NAPB: variants seen among roughly 807,000 people sequenced by gnomAD.
The protein encoded by NAPB is beta-soluble NSF attachment protein.
In NAPB, 26 loss-of-function variants were observed where a neutral mutation model predicts 44.7. The ratio of observed to expected loss-of-function variants is 0.58; its 90% CI spans 0.43 to 0.81. The LOEUF (loss-of-function observed/expected upper bound fraction) is 0.81, where lower values mean the gene tolerates loss of function less well. Ranked by LOEUF, NAPB falls within the 30% of genes least tolerant of loss-of-function variation. The pLI is 0.00. For synonymous variants in NAPB, 120 were observed against 116.8 expected (o/e 1.03, Z -0.18); for missense variants, 315 against 356.4 (o/e 0.88, Z 0.94).
At chr20:23,395,090 C>G in intron 4 of NAPB, 49 bp downstream of exon 4, 1 of 1,612,880 alleles carries the variant, frequency 6.2e-7, no homozygotes, top group Non-Finnish European at 8.5e-7. Flanking sequence ...GAACTCTAAG[C>G]CATCTCAAGA....
At position 23,405,671 on chromosome 20, in the gene NAPB, C is replaced by G. The variant is rs563863950; in HGVS notation, c.99-2599G>C. On this transcript the variant is annotated intron_variant, in intron 1 of 10. Transcript: ENST00000377026. ...CCTGGGAGGCGGAGGATGCACTGAGCCGAGATAGTGTCACTGCACTTCAGC... is the reference window on the plus strand; with the variant it reads ...CCTGGGAGGCGGAGGATGCACTGAGGCGAGATAGTGTCACTGCACTTCAGC... 7.2e-5 allele frequency among the ~76,000 whole-genome samples: 11 copies of G among 152,240 alleles called. No homozygotes were observed. In the East Asian group the frequency reaches 1.7e-3, roughly 24 times the overall value.
At chr20:23,393,740 G>A (rs1338766394) in intron 5 of NAPB, among the ~76,000 whole-genome samples, 1 of 152,088 alleles carries the variant, frequency 6.6e-6, no homozygotes, top group Non-Finnish European at 1.5e-5. Context: ...TCTTCCTGGG[G>A]GGCTAAATTA....
intron 10 of NAPB, 118 bp from the exon 11 acceptor site, chr20:23,377,604 T>C (rs1334612436): frequency 8.9e-6 from 4 of 451,148 alleles, no homozygotes; most frequent in Non-Finnish European, 1.1e-5. Flanking sequence ...TTCTTCATCA[T>C]TTGAAATTAA....
At position 23,414,024 on chromosome 20, in the gene NAPB, T is replaced by C. The variant is rs146490641; in HGVS notation, c.98+7281A>G. ...AGATAAAACAATCCTAAATCATGTA[T>C]GTAAAAACAGAATCTAGGCCAGGCA... On this transcript the variant is annotated intron_variant, in intron 1 of 10. Coordinates refer to ENST00000377026, the MANE Select transcript of NAPB (RefSeq NM_022080.3). 2.2e-3 allele frequency among the ~76,000 whole-genome samples: 338 copies of C among 152,310 alleles called. 1 individual carries two copies. Among genetic ancestry groups the C allele is most frequent in the African/African-American group, 7.8e-3 (326 of 41,558 alleles).
chr20:23,391,248 T>C (rs972396113), intron 5 of NAPB, among the ~76,000 whole-genome samples: 3 of 151,900 alleles, frequency 2.0e-5, no homozygotes, highest in African/African-American at 7.3e-5. Context: ...GAGGCAGAGG[T>C]TGCAGTGAGC....
intron 7 of NAPB, 73 bp from the exon 8 acceptor site, chr20:23,381,390 G>T: frequency 1.1e-6 from 1 of 891,098 alleles, no homozygotes; most frequent in Non-Finnish European, 1.7e-6. Flanking sequence ...CTCATCTGTT[G>T]TCCTTTAGAA....
intron 1 of NAPB, among the ~76,000 whole-genome samples, chr20:23,415,203 TGGTAACCATCAGAA>T (rs1985919182): frequency 6.6e-6 from 1 of 152,202 alleles, no homozygotes; most frequent in African/African-American, 2.4e-5. Context: ...AGAAATATGG[TGGTAACCATCAGAA>T]AAACTAATGA....
intron 1 of NAPB, among the ~76,000 whole-genome samples, chr20:23,408,818 C>G (rs910340786): frequency 6.6e-6 from 1 of 152,182 alleles, no homozygotes; most frequent in Non-Finnish European, 1.5e-5. Flanking sequence ...TGCTAACTAT[C>G]CTGATTTGAT....
In NAPB at chr20:23,421,464, C is replaced by G; in HGVS notation, c.-62G>C. The G allele has an allele frequency of 6.9e-7, 1 of 1,456,000 alleles. No homozygotes were observed. The highest frequency in any genetic ancestry group is 9.2e-7 in the Non-Finnish European group (1 of 1,086,210). The allele number at this position is 1,456,000 out of a possible 1,614,324, so 90.2% of individuals were successfully genotyped here. A position where few individuals can be genotyped will look rare whatever the true frequency, so the allele number is the denominator to read the frequency against. ...CTCGCTGTGCGCCCAGGCGCCTTAA[C>G]CCTCCCTCTGGCGGCCGCAGGGACG... On this transcript the variant is annotated 5_prime_UTR_variant, in exon 1 of 11. Coordinates refer to ENST00000377026, the MANE Select transcript of NAPB (RefSeq NM_022080.3).
intron 1 of NAPB, among the ~76,000 whole-genome samples, chr20:23,409,523 TAAGA>T (rs1985502873): frequency 6.6e-6 from 1 of 152,144 alleles, no homozygotes; most frequent in East Asian, 1.9e-4. Context: ...TTTAAATACT[TAAGA>T]AAGATAATGG....
intron 1 of NAPB, among the ~76,000 whole-genome samples, chr20:23,415,160 A>G (rs905202316): frequency 2.0e-5 from 3 of 152,194 alleles, no homozygotes; most frequent in Admixed American, 6.5e-5. Context: ...GAAAATCAAG[A>G]TATCAGGAAG....
chr20:23,393,150 A>G (rs538552708), intron 5 of NAPB, among the ~76,000 whole-genome samples: 5 of 152,176 alleles, frequency 3.3e-5, no homozygotes, highest in African/African-American at 9.6e-5. Context: ...CATCAATTCC[A>G]CACCAGGGAA....
chr20:23,389,377 CCA>C (rs1354244711), intron 7 of NAPB, among the ~76,000 whole-genome samples: 1 of 152,086 alleles, frequency 6.6e-6, no homozygotes, highest in Non-Finnish European at 1.5e-5. Flanking sequence ...CATGGACTTA[CCA>C]CATGGTCCAG....
intron 1 of NAPB, among the ~76,000 whole-genome samples, chr20:23,416,809 T>C (rs745834711): frequency 6.6e-6 from 1 of 152,214 alleles, no homozygotes; most frequent in Non-Finnish European, 1.5e-5. Flanking sequence ...GGCCCCACCA[T>C]ATTTTGGCCA....
intron 8 of NAPB, 62 bp from the exon 9 acceptor site, chr20:23,379,997 C>A: frequency 7.4e-7 from 1 of 1,357,640 alleles, no homozygotes; most frequent in South Asian, 1.2e-5. Flanking sequence ...TTTCAACATT[C>A]TATCAGCTTC....
At chr20:23,402,404 T>C (rs1476786126) in intron 2 of NAPB, among the ~76,000 whole-genome samples, 1 of 152,158 alleles carries the variant, frequency 6.6e-6, no homozygotes, top group East Asian at 1.9e-4. Context: ...AAAATAATAA[T>C]CCTGTGAATT....
intron 1 of NAPB, 77 bp downstream of exon 1, chr20:23,421,228 C>A (rs539312198): frequency 2.3e-6 from 3 of 1,303,450 alleles, no homozygotes; most frequent in African/African-American, 1.5e-5. Context: ...GTGGGGGACT[C>A]GGGGGGTCAG....
intron 7 of NAPB, 87 bp downstream of exon 7, chr20:23,389,856 GATT>G: frequency 8.9e-7 from 1 of 1,122,182 alleles, no homozygotes; most frequent in Non-Finnish European, 1.3e-6. Flanking sequence ...GTGATGTGTG[GATT>G]ATATCTCAAT....
At chr20:23,398,561 C>T (rs1340348864) in intron 2 of NAPB, among the ~76,000 whole-genome samples, 1 of 151,978 alleles carries the variant, frequency 6.6e-6, no homozygotes, top group Non-Finnish European at 1.5e-5. Context: ...ATTTTTTTGG[C>T]TGGGTTTGGT....
Sources: gnomAD v4.1 joint callset for allele counts (sites outside exome capture counted in the v4.1 genomes callset) on GRCh38, gnomAD v4.1.1 for gene constraint, MANE v1.5 for transcripts, NCBI Gene and HGNC (gene_info 2026-07-23, HGNC 2026-07-21) for gene names.